TAF11L12: variants seen among roughly 807,000 people sequenced by gnomAD.
TAF11L12 encodes TATA-box binding protein associated factor 11 like 12.
chr5:17,611,140 G>A (rs368609829), exon 1 of TAF11L12: 1 of 398,000 alleles, frequency 2.5e-6, no homozygotes. Flanking sequence ...AAGTCAGGAT[G>A]TCATGGACCT....
Position 17,611,054 on chromosome 5 carries a change from G to A in TAF11L12, c.65G>A (p.Gly22Asp), listed in dbSNP as rs557504662. ...TTCGCCATGCCCCAAGGTCTGAAGGGCAGCAACAAGGATGGAATCCCTGAG... is the reference window on the plus strand; with the variant it reads ...TTCGCCATGCCCCAAGGTCTGAAGGACAGCAACAAGGATGGAATCCCTGAG... The change falls in exon 1 of 1, where the codon GGC becomes GAC. Residue 22 changes from glycine (G) to aspartate (D), a missense_variant. Gly to Asp is a moderately conservative substitution (Grantham distance 94). Transcript: ENST00000503184. 49 of 397,958 alleles carry A rather than the reference G, an allele frequency of 1.2e-4. No individual in the cohort carries two copies. In the South Asian group the frequency reaches 1.4e-3, roughly 11 times the overall value. The allele number at this position is 397,958 out of a possible 1,614,324, so 24.7% of individuals were successfully genotyped here. A position where few individuals can be genotyped will look rare whatever the true frequency, so the allele number is the denominator to read the frequency against.
downstream of TAF11L12, among the ~76,000 whole-genome samples, chr5:17,611,913 T>C (rs1739284457): frequency 6.6e-6 from 1 of 151,344 alleles, no homozygotes; most frequent in Non-Finnish European, 1.5e-5. Flanking sequence ...AGGAGATTTG[T>C]ACGGTTTCAT....
At chr5:17,611,505 G>C (rs1027957015) in exon 1 of TAF11L12, 1 of 397,860 alleles carries the variant, frequency 2.5e-6, no homozygotes, top group Non-Finnish European at 4.4e-6. Context: ...TGCAGCCCAA[G>C]CATTTAAGGG....
exon 1 of TAF11L12, chr5:17,611,552 C>G: frequency 2.5e-6 from 1 of 397,898 alleles, no homozygotes; most frequent in Non-Finnish European, 4.4e-6. Flanking sequence ...GGCCTCTTCC[C>G]CAACAGCAAC....
chr5:17,610,979 G>A lies in TAF11L12; in HGVS notation c.-11G>A. ...ACAGCTGCTGTCACGGAGCAGACTT[G>A]AATCTCACCCATGGAGACAGGCAGG... is the stretch of plus-strand genomic sequence containing the variant. On this transcript the variant is annotated 5_prime_UTR_variant, in exon 1 of 1. It removes the in-frame stop codon of an upstream open reading frame in the 5' UTR. Transcript: ENST00000503184. The A allele has an allele frequency of 2.5e-6, 1 of 397,876 alleles. No individual in the cohort carries two copies. Among genetic ancestry groups the A allele is most frequent in the East Asian group, 3.6e-5 (1 of 28,028 alleles). The allele number at this position is 397,876 out of a possible 1,614,324, so 24.6% of individuals were successfully genotyped here.
At chr5:17,611,791 C>T (rs1739281188), downstream of TAF11L12, among the ~76,000 whole-genome samples, 1 of 151,268 alleles carries the variant, frequency 6.6e-6, no homozygotes, top group Admixed American at 6.6e-5. Context: ...TTTGGGACTC[C>T]AGGGGCATAT....
exon 1 of TAF11L12, chr5:17,611,401 G>A (rs1284520805): frequency 5.0e-6 from 2 of 397,818 alleles, no homozygotes; most frequent in East Asian, 3.6e-5. Context: ...TGAGAACACC[G>A]CCATTGCCAT....
chr5:17,611,185 C>A, exon 1 of TAF11L12: 1 of 398,148 alleles, frequency 2.5e-6, no homozygotes, highest in Non-Finnish European at 4.4e-6. Context: ...AGCCTCAGCT[C>A]CTCCTGCAGC....
At chr5:17,611,998 G>A (rs773083089), downstream of TAF11L12, among the ~76,000 whole-genome samples, 2 of 151,416 alleles carry the variant, frequency 1.3e-5, no homozygotes, top group Non-Finnish European at 2.9e-5. Context: ...CTCCAGAAAT[G>A]TTTCCCAATT....
downstream of TAF11L12, chr5:17,611,708 G>T (rs1209435468): frequency 7.6e-6 from 3 of 394,888 alleles, no homozygotes; most frequent in Non-Finnish European, 1.3e-5. Flanking sequence ...CACAATCTTA[G>T]TGTCTGAAAC....
At chr5:17,611,769 C>A (rs545460293), downstream of TAF11L12, among the ~76,000 whole-genome samples, 1 of 151,558 alleles carries the variant, frequency 6.6e-6, no homozygotes, top group South Asian at 2.1e-4. Flanking sequence ...TCACAGTAGC[C>A]TTGGCTAAAT....
chr5:17,611,087 A>G (rs189261663), exon 1 of TAF11L12: 3 of 397,792 alleles, frequency 7.5e-6, no homozygotes, highest in Non-Finnish European at 1.3e-5. Context: ...GAGGACCTAG[A>G]TGGGAACTTG....
chr5:17,611,538 C>T (rs2126392490), exon 1 of TAF11L12: 1 of 397,982 alleles, frequency 2.5e-6, no homozygotes, highest in Non-Finnish European at 4.4e-6. Context: ...GGTTAAAGCC[C>T]AAGGGCCTCT....
upstream of TAF11L12, chr5:17,610,488 C>T (rs1739255116): frequency 6.6e-6 from 1 of 152,508 alleles, no homozygotes; most frequent in Non-Finnish European, 1.5e-5. Flanking sequence ...TGAGAGCATC[C>T]TCACAGCAGC....
exon 1 of TAF11L12, chr5:17,610,938 C>T: frequency 2.5e-6 from 1 of 397,618 alleles, no homozygotes; most frequent in Non-Finnish European, 4.4e-6. Context: ...CCACCCCAGC[C>T]AGAACTTCTG....
chr5:17,611,395 A>T lies in TAF11L12; in HGVS notation c.406A>T (p.Asn136Tyr), dbSNP rs1002898857. Residue 136 changes from asparagine to tyrosine, a missense_variant, in exon 1 of 1, where the codon AAC (asparagine) becomes TAC (tyrosine). Coordinates refer to ENST00000503184, the Ensembl canonical transcript of TAF11L12. ...TATCACTGGCAGATCGGTGTCTGAG[A>T]ACACCGCCATTGCCATGGCTGGAAT... 8 of 397,832 alleles carry T rather than the reference A, an allele frequency of 2.0e-5. 2 individuals are homozygous for T. In the Admixed American group the frequency reaches 2.2e-4, roughly 11 times the overall value. 24.6% of individuals were successfully genotyped at this position (397,832 alleles called of 1,614,324 possible). A position where few individuals can be genotyped will look rare whatever the true frequency, so the allele number is the denominator to read the frequency against.
At chr5:17,612,042 A>G (rs1309108281), downstream of TAF11L12, among the ~76,000 whole-genome samples, 1 of 151,440 alleles carries the variant, frequency 6.6e-6, no homozygotes, top group African/African-American at 2.4e-5. Context: ...GCTCATATGT[A>G]TTTGTTTTAG....
At chr5:17,610,966 A>G (rs1739263928) in exon 1 of TAF11L12, 3 of 397,882 alleles carry the variant, frequency 7.5e-6, no homozygotes, top group Non-Finnish European at 1.3e-5. Context: ...AGCTGCTGTC[A>G]CGGAGCAGAC....
chr5:17,611,524 C>G (rs915056206), exon 1 of TAF11L12: 1 of 397,826 alleles, frequency 2.5e-6, no homozygotes, highest in Non-Finnish European at 4.4e-6. Flanking sequence ...GGAGGCCGTT[C>G]GCAGGTTAAA....
Sources: gnomAD v4.1 joint callset for allele counts (sites outside exome capture counted in the v4.1 genomes callset) on GRCh38, gnomAD v4.1.1 for gene constraint, MANE v1.5 for transcripts, NCBI Gene and HGNC (gene_info 2026-07-23, HGNC 2026-07-21) for gene names.